Variants in ARB2A observed in about 807,000 individuals in gnomAD.
ARB2A encodes the protein ARB2 cotranscriptional regulator A.
At chr5:93,958,747 A>C in the ARB2A span, 1 of 905,532 alleles carries the variant, frequency 1.1e-6, no homozygotes, top group Non-Finnish European at 1.5e-6. Context: ...ATAAAATGCC[A>C]AAAAAAAAAA....
the ARB2A span, among the ~76,000 whole-genome samples, chr5:93,978,187 C>T: frequency 6.6e-6 from 1 of 152,196 alleles, no homozygotes; most frequent in African/African-American, 2.4e-5. Context: ...TAGTTAGCCC[C>T]TGTGGAAAGC....
At chr5:93,688,287 T>C in the ARB2A span, among the ~76,000 whole-genome samples, 137 of 152,338 alleles carry the variant, frequency 9.0e-4, no homozygotes, top group Non-Finnish European at 1.7e-3. Context: ...CTTTAACTTT[T>C]CACTACCAAA....
the ARB2A span, among the ~76,000 whole-genome samples, chr5:94,057,854 A>T: frequency 6.6e-6 from 1 of 152,190 alleles, no homozygotes; most frequent in Non-Finnish European, 1.5e-5. Flanking sequence ...CCAAACAAAG[A>T]ATGAAGACCC....
the ARB2A span, among the ~76,000 whole-genome samples, chr5:93,873,591 C>G: frequency 6.6e-6 from 1 of 152,118 alleles, no homozygotes; most frequent in African/African-American, 2.4e-5. Flanking sequence ...TAAAATTAAT[C>G]AGGCTTGATC....
the ARB2A span, among the ~76,000 whole-genome samples, chr5:94,091,102 C>T: frequency 1.3e-4 from 20 of 152,000 alleles, no homozygotes; most frequent in East Asian, 1.3e-3. Context: ...GAAGTGGACG[C>T]GCAAGACAGA....
At chr5:94,008,438 A>G in the ARB2A span, among the ~76,000 whole-genome samples, 1 of 152,168 alleles carries the variant, frequency 6.6e-6, no homozygotes, top group Non-Finnish European at 1.5e-5. Context: ...CCTGAGAGTG[A>G]ACATTTCTAA....
the ARB2A span, among the ~76,000 whole-genome samples, chr5:93,819,420 G>A: frequency 6.6e-6 from 1 of 152,010 alleles, no homozygotes; most frequent in African/African-American, 2.4e-5. Context: ...ATTACAAATG[G>A]CAATTTATTT....
the ARB2A span, among the ~76,000 whole-genome samples, chr5:93,849,884 T>C: frequency 6.6e-6 from 1 of 152,208 alleles, no homozygotes; most frequent in African/African-American, 2.4e-5. Context: ...CAAGAAATCC[T>C]AAACCCATGA....
chr5:93,781,565 C>T, the ARB2A span, among the ~76,000 whole-genome samples: 76 of 152,238 alleles, frequency 5.0e-4, no homozygotes, highest in African/African-American at 1.7e-3. Context: ...AGTGACACTG[C>T]TGGATCAAAT....
the ARB2A span, among the ~76,000 whole-genome samples, chr5:94,097,276 C>T: frequency 6.6e-6 from 1 of 152,324 alleles, no homozygotes; most frequent in South Asian, 2.1e-4. Context: ...GCCACATAAG[C>T]TTGCAGCATA....
chr5:93,792,279 G>A, the ARB2A span, among the ~76,000 whole-genome samples: 1 of 152,130 alleles, frequency 6.6e-6, no homozygotes, highest in African/African-American at 2.4e-5. Flanking sequence ...TATATGTGAA[G>A]TAGATACAGT....
the ARB2A span, among the ~76,000 whole-genome samples, chr5:94,068,144 C>G: frequency 6.6e-6 from 1 of 152,116 alleles, no homozygotes; most frequent in South Asian, 2.1e-4. Flanking sequence ...ACCTGGGGTT[C>G]CTGGCCTCAC....
the ARB2A span, among the ~76,000 whole-genome samples, chr5:94,057,675 G>T: frequency 3.3e-5 from 5 of 152,084 alleles, no homozygotes; most frequent in African/African-American, 9.7e-5. Context: ...AACAGGAACC[G>T]AATTATTTCC....
the ARB2A span, among the ~76,000 whole-genome samples, chr5:94,043,325 C>G: frequency 6.6e-6 from 1 of 152,100 alleles, no homozygotes; most frequent in Non-Finnish European, 1.5e-5. Context: ...TTCTTTTGAG[C>G]TATTTACAGA....
the ARB2A span, among the ~76,000 whole-genome samples, chr5:94,077,605 CATG>C: frequency 6.6e-6 from 1 of 152,122 alleles, no homozygotes; most frequent in African/African-American, 2.4e-5. Context: ...TTATAACCTG[CATG>C]ACCACAGATA....
the ARB2A span, among the ~76,000 whole-genome samples, chr5:93,958,025 T>G: frequency 6.6e-6 from 1 of 152,006 alleles, no homozygotes; most frequent in East Asian, 1.9e-4. Context: ...AAAATTGGGC[T>G]GTTCACTATG....
chr5:93,947,035 C>T, the ARB2A span, among the ~76,000 whole-genome samples: 3 of 152,106 alleles, frequency 2.0e-5, no homozygotes, highest in South Asian at 2.1e-4. Flanking sequence ...ATTCTGCATA[C>T]TGTCTTCCTT....
the ARB2A span, among the ~76,000 whole-genome samples, chr5:93,845,904 G>A: frequency 6.6e-6 from 1 of 152,030 alleles, no homozygotes; most frequent in African/African-American, 2.4e-5. Flanking sequence ...TAGAGGAAAT[G>A]AGTAAACTGT....
chr5:93,712,480 T>C, the ARB2A span, among the ~76,000 whole-genome samples: 1 of 152,116 alleles, frequency 6.6e-6, no homozygotes, highest in South Asian at 2.1e-4. Context: ...AAGAACTTAA[T>C]GGCATATATA....
Sources: allele counts gnomAD v4.1 joint callset (sites outside exome capture counted in the v4.1 genomes callset), GRCh38; gene constraint gnomAD v4.1.1; transcripts MANE v1.5; gene names NCBI Gene and HGNC (gene_info 2026-07-23, HGNC 2026-07-21).